PEX11A: variants seen among roughly 807,000 people sequenced by gnomAD.
The protein encoded by PEX11A is peroxisomal membrane protein 11A.
A neutral mutation model predicts 14.4 loss-of-function variants in PEX11A; 13 were observed. The observed-to-expected ratio is 0.90, with a 90% confidence interval of 0.59 to 1.43. The LOEUF is 1.43. PEX11A is among the 40% of genes most tolerant of loss of function. PEX11A has a pLI of 0.00. For synonymous variants in PEX11A, 101 were observed against 113.0 expected, an observed-to-expected ratio of 0.89 and a Z score of 0.67; for missense variants, 290 against 302.8, an observed-to-expected ratio of 0.96 and a Z score of 0.31.
rs1964612324 is a variant in PEX11A at position 89,682,386 on chromosome 15, A to G, written c.*991T>C. 1 of 152,290 alleles carries G rather than the reference A, an allele frequency of 6.6e-6. No individual in the cohort carries two copies. Among genetic ancestry groups the G allele is most frequent in the African/African-American group, 2.4e-5 (1 of 41,436 alleles). 9.4% of individuals were successfully genotyped at this position (152,290 alleles called of 1,614,324 possible). ...GAGAAGGAGTCTCACTACATTGCCC[A>G]GGCTGGTCTTGAACTCCTGGCCTCA... is the stretch of plus-strand genomic sequence containing the variant. On this transcript the variant is annotated 3_prime_UTR_variant, in exon 3 of 3. Transcript: ENST00000300056.
Position 89,686,555 on chromosome 15 carries a change from G to GAA in PEX11A, c.57-11_57-10dup. ...ATGTGTACTGAGTGGCTCTGAAATG[G>GAA]AAAAAAAAAAATTGAGAAGAATGAT... On this transcript the variant is annotated splice_polypyrimidine_tract_variant and intron_variant, in intron 1 of 2. Transcript: ENST00000300056. 76 of 979,686 alleles carry GAA rather than the reference G, an allele frequency of 7.8e-5. No individual in the cohort carries two copies. Among genetic ancestry groups the GAA allele is most frequent in the Non-Finnish European group, 9.9e-5 (67 of 674,212 alleles). The allele number at this position is 979,686 out of a possible 1,614,324, so 60.7% of individuals were successfully genotyped here.
intron 1 of PEX11A, among the ~76,000 whole-genome samples, chr15:89,690,249 A>G (rs903406752): frequency 6.6e-6 from 1 of 152,228 alleles, no homozygotes; most frequent in Non-Finnish European, 1.5e-5. Flanking sequence ...GAGAGAACCA[A>G]TCTTTCTGTG....
Position 89,685,117 on chromosome 15 carries a change from T to C in PEX11A, c.173-1169A>G, listed in dbSNP as rs369431799. Among the ~76,000 whole-genome samples the C allele has an allele frequency of 1.8e-3, 273 of 150,604 alleles. 1 individual carries two copies. The highest frequency in any genetic ancestry group is 6.3e-3 in the African/African-American group (257 of 40,738). On this transcript the variant is annotated intron_variant, in intron 2 of 2. Coordinates refer to ENST00000300056, the MANE Select transcript of PEX11A (RefSeq NM_003847.3). ...TACTAGGGAGACTGAAGTGGGAGAATTGCTTGAACCTGGGAAGCGGAGGTT... is the reference window on the plus strand; with the variant it reads ...TACTAGGGAGACTGAAGTGGGAGAACTGCTTGAACCTGGGAAGCGGAGGTT...
At chr15:89,685,203 CAAAAAAAA>C (rs869275308) in intron 2 of PEX11A, among the ~76,000 whole-genome samples, 1 of 24,532 alleles carries the variant, frequency 4.1e-5, no homozygotes, top group East Asian at 1.4e-3. Flanking sequence ...GACTCCATCT[CAAAAAAAA>C]AAAAAAAAAA....
At position 89,690,704 on chromosome 15, in the gene PEX11A, G is replaced by GA; in HGVS notation, c.-73_-72insT. 1.8e-6 allele frequency: 2 copies of GA among 1,141,480 alleles called. No individual in the cohort carries two copies. The highest frequency in any genetic ancestry group is 1.3e-6 in the Non-Finnish European group (1 of 779,988). The allele number at this position is 1,141,480 out of a possible 1,614,324, so 70.7% of individuals were successfully genotyped here. A position where few individuals can be genotyped will look rare whatever the true frequency, so the allele number is the denominator to read the frequency against. On this transcript the variant is annotated 5_prime_UTR_variant, in exon 1 of 3. Transcript: ENST00000300056. ...TCCTCTGGGGCCCGTCGGATCCCCA[G>GA]GGAACGGTCAGTCCCAGGTTATCCG...
chr15:89,686,685 C>T, intron 1 of PEX11A, 139 bp from the exon 2 acceptor site: 1 of 567,488 alleles, frequency 1.8e-6, no homozygotes, highest in Middle Eastern at 4.2e-4. Flanking sequence ...CTTACAAAAG[C>T]AAAATTCTGC....
In PEX11A at chr15:89,683,516, A is replaced by G; in HGVS notation, c.605T>C (p.Leu202Pro). The G allele has an allele frequency of 6.2e-7, 1 of 1,614,202 alleles. No individual in the cohort carries two copies. The highest frequency in any genetic ancestry group is 8.5e-7 in the Non-Finnish European group (1 of 1,179,996). Reference protein sequence around the residue: ...PPLLLDTVKNLCDILNPLDQL... With the variant: ...PPLLLDTVKNPCDILNPLDQL... Reference sequence around the variant, plus strand: ...GTCCAAAGGGTTCAGGATATCACAAAGGTTCTTCACTGTGTCCAGGAGCAA... The same window carrying G: ...GTCCAAAGGGTTCAGGATATCACAAGGGTTCTTCACTGTGTCCAGGAGCAA... Residue 202 changes from leucine (L) to proline (P), a missense_variant, in exon 3 of 3, where the codon CTT (leucine) becomes CCT (proline). Coordinates refer to ENST00000300056, the MANE Select transcript of PEX11A (RefSeq NM_003847.3).
intron 1 of PEX11A, chr15:89,687,939 T>C: frequency 3.8e-6 from 2 of 530,002 alleles, no homozygotes; most frequent in South Asian, 2.9e-5. Context: ...TACTTAGAAC[T>C]GGATCACTTG....
intron 2 of PEX11A, among the ~76,000 whole-genome samples, chr15:89,685,958 T>G (rs1006539935): frequency 4.2e-4 from 64 of 152,192 alleles, no homozygotes; most frequent in African/African-American, 1.5e-3. Context: ...TGATTTCACT[T>G]TTTACCTTTG....
At position 89,683,508 on chromosome 15, in the gene PEX11A, T is replaced by G. The variant is rs369574386; in HGVS notation, c.613A>C (p.Ile205Leu). ...LLDTVKNLCD[I>L]LNPLDQLGIY... ...CCCAGCTGGTCCAAAGGGTTCAGGA[T>G]ATCACAAAGGTTCTTCACTGTGTCC... The change falls in exon 3 of 3, where the codon ATC becomes CTC. Residue 205 changes from isoleucine (I) to leucine (L), a missense_variant. Transcript: ENST00000300056. 5.0e-5 allele frequency: 80 copies of G among 1,614,032 alleles called. No individual in the cohort carries two copies. The highest frequency in any genetic ancestry group is 6.6e-5 in the Non-Finnish European group (78 of 1,179,980).
chr15:89,683,057 T>C lies in PEX11A; in HGVS notation c.*320A>G. On this transcript the variant is annotated 3_prime_UTR_variant, in exon 3 of 3. Transcript: ENST00000300056. Reference sequence around the variant, plus strand: ...AATGATCAGTGCGATTGGGTCTTTTTAAATTTTTTCCTTTCAATTTTTATT... The same window carrying C: ...AATGATCAGTGCGATTGGGTCTTTTCAAATTTTTTCCTTTCAATTTTTATT... The C allele has an allele frequency of 3.3e-6, 1 of 299,894 alleles. No homozygotes were observed. The highest frequency in any genetic ancestry group is 6.9e-5 in the East Asian group (1 of 14,554). The allele number at this position is 299,894 out of a possible 1,614,324, so 18.6% of individuals were successfully genotyped here. A position where few individuals can be genotyped will look rare whatever the true frequency, so the allele number is the denominator to read the frequency against.
At position 89,690,727 on chromosome 15, in the gene PEX11A, C is replaced by A; in HGVS notation, c.-95G>T. 1 of 862,576 alleles carries A rather than the reference C, an allele frequency of 1.2e-6. No individual in the cohort carries two copies. The highest frequency in any genetic ancestry group is 1.8e-6 in the Non-Finnish European group (1 of 550,836). 53.4% of individuals were successfully genotyped at this position (862,576 alleles called of 1,614,324 possible). On this transcript the variant is annotated 5_prime_UTR_variant, in exon 1 of 3. Transcript: ENST00000300056. Reference sequence around the variant, plus strand: ...CAGGGAACGGTCAGTCCCAGGTTATCCGCTGAGGGGGAGGGGCTGAGTCTC... The same window carrying A: ...CAGGGAACGGTCAGTCCCAGGTTATACGCTGAGGGGGAGGGGCTGAGTCTC...
intron 2 of PEX11A, among the ~76,000 whole-genome samples, chr15:89,685,487 C>A (rs1416040332): frequency 1.3e-5 from 2 of 151,716 alleles, no homozygotes; most frequent in African/African-American, 4.8e-5. Context: ...CCCTTCCCAT[C>A]CCTCTGCTTG....
intron 1 of PEX11A, among the ~76,000 whole-genome samples, chr15:89,689,067 T>C (rs1385251873): frequency 6.6e-6 from 1 of 152,216 alleles, no homozygotes; most frequent in Non-Finnish European, 1.5e-5. Context: ...GGGTACATTC[T>C]AGGTACACTG....
intron 2 of PEX11A, 145 bp from the exon 3 acceptor site, chr15:89,684,093 CG>C: frequency 1.6e-6 from 1 of 614,268 alleles, no homozygotes; most frequent in Non-Finnish European, 2.9e-6. Flanking sequence ...TGGAGTGCAG[CG>C]GCACCATCAC....
Position 89,683,239 on chromosome 15 carries a change from C to A in PEX11A, c.*138G>T. ...TTCTCCGTTCTTGGCCTCATCTCTGCCCACATCACAGGTTGTTAAATGCTC... is the reference window on the plus strand; with the variant it reads ...TTCTCCGTTCTTGGCCTCATCTCTGACCACATCACAGGTTGTTAAATGCTC... On this transcript the variant is annotated 3_prime_UTR_variant, in exon 3 of 3. Coordinates refer to ENST00000300056, the MANE Select transcript of PEX11A (RefSeq NM_003847.3). The A allele has an allele frequency of 1.5e-6, 1 of 686,230 alleles. No individual in the cohort carries two copies. Among genetic ancestry groups the A allele is most frequent in the South Asian group, 1.8e-5 (1 of 55,746 alleles). 42.5% of individuals were successfully genotyped at this position (686,230 alleles called of 1,614,324 possible).
Position 89,683,289 on chromosome 15 carries a change from TA to T in PEX11A, c.*87del. 1.1e-6 allele frequency: 1 copy of T among 902,138 alleles called. No individual in the cohort carries two copies. Among genetic ancestry groups the T allele is most frequent in the Non-Finnish European group, 1.7e-6 (1 of 572,906 alleles). The allele number at this position is 902,138 out of a possible 1,614,324, so 55.9% of individuals were successfully genotyped here. On this transcript the variant is annotated 3_prime_UTR_variant, in exon 3 of 3. Coordinates refer to ENST00000300056, the MANE Select transcript of PEX11A (RefSeq NM_003847.3). ...CACATGAACAAGAACTTAAGCACAG[TA>T]TGACATGGCCTGTGACTTATACAAA... is the stretch of plus-strand genomic sequence containing the variant.
At position 89,681,732 on chromosome 15, in the gene PEX11A, A is replaced by C. The variant is rs1964603271; in HGVS notation, c.*1645T>G. ...AAGAATCTGAGTCTATTTTTTGAGAATCTCAATCACATTTCTGGGAAATGT... is the reference window on the plus strand; with the variant it reads ...AAGAATCTGAGTCTATTTTTTGAGACTCTCAATCACATTTCTGGGAAATGT... On this transcript the variant is annotated 3_prime_UTR_variant, in exon 3 of 3. Coordinates refer to ENST00000300056, the MANE Select transcript of PEX11A (RefSeq NM_003847.3). 4.1e-6 allele frequency: 2 copies of C among 488,544 alleles called. No individual in the cohort carries two copies. Among genetic ancestry groups the C allele is most frequent in the East Asian group, 6.3e-5 (2 of 31,922 alleles). 30.3% of individuals were successfully genotyped at this position (488,544 alleles called of 1,614,324 possible). A position where few individuals can be genotyped will look rare whatever the true frequency, so the allele number is the denominator to read the frequency against.
Position 89,681,659 on chromosome 15 carries a change from A to G in PEX11A, c.*1718T>C, listed in dbSNP as rs913769054. 1.8e-6 allele frequency: 1 copy of G among 549,330 alleles called. No homozygotes were observed. Among genetic ancestry groups the G allele is most frequent in the African/African-American group, 1.9e-5 (1 of 53,084 alleles). The allele number at this position is 549,330 out of a possible 1,614,324, so 34.0% of individuals were successfully genotyped here. The stretch of plus-strand genomic sequence containing the variant: ...GCTTTCATGTCTCTTAAAATTCCCT[A>G]AATTTTATTTCTCAAATCCCATATC... On this transcript the variant is annotated 3_prime_UTR_variant, in exon 3 of 3. Coordinates refer to ENST00000300056, the MANE Select transcript of PEX11A (RefSeq NM_003847.3).
Sources: gnomAD v4.1 joint callset for allele counts (sites outside exome capture counted in the v4.1 genomes callset) on GRCh38, gnomAD v4.1.1 for gene constraint, MANE v1.5 for transcripts, NCBI Gene and HGNC (gene_info 2026-07-23, HGNC 2026-07-21) for gene names.